The following MTCL3 variants were observed in gnomAD, a reference collection of about 807,000 sequenced individuals.
The protein encoded by MTCL3 is MTCL family member 3, also known as microtubule cross-linking factor 3.
At chr6:127,488,569 G>C in the MTCL3 span, among the ~76,000 whole-genome samples, 1 of 152,066 alleles carries the variant, frequency 6.6e-6, no homozygotes, top group Non-Finnish European at 1.5e-5. Flanking sequence ...ATTTGTTTTG[G>C]AAGCGTTACT....
chr6:127,500,001 CA>C, the MTCL3 span, among the ~76,000 whole-genome samples: 1 of 152,134 alleles, frequency 6.6e-6, no homozygotes, highest in African/African-American at 2.4e-5. Context: ...GCTATGTCTT[CA>C]TTTCTCGGGG....
At chr6:127,482,849 T>C in the MTCL3 span, 1 of 1,204,416 alleles carries the variant, frequency 8.3e-7, no homozygotes, top group Non-Finnish European at 1.2e-6. This position sits in a 1 kb window ranked among gnomAD's most constrained non-coding sequence, Gnocchi z 4.1. Context: ...TTTATAAATG[T>C]AGTTTGTGAT....
chr6:127,502,566 C>T, the MTCL3 span, among the ~76,000 whole-genome samples: 1 of 152,106 alleles, frequency 6.6e-6, no homozygotes, highest in Non-Finnish European at 1.5e-5. Context: ...GAGTAATAGA[C>T]ATTCATGAAA....
At chr6:127,514,807 C>A in the MTCL3 span, 1 of 1,601,292 alleles carries the variant, frequency 6.2e-7, no homozygotes, top group South Asian at 1.1e-5. Context: ...CGCCATTGAG[C>A]CCCCGCGCCG....
the MTCL3 span, chr6:127,515,060 C>T: frequency 6.2e-7 from 1 of 1,611,642 alleles, no homozygotes; most frequent in Non-Finnish European, 8.5e-7. The surrounding 1 kb of genome is among the most constrained non-coding windows in gnomAD (Gnocchi z 4.3). Flanking sequence ...GAGGCGGTGA[C>T]AGGCCGCGTG....
chr6:127,497,042 T>C, the MTCL3 span, among the ~76,000 whole-genome samples: 1 of 152,292 alleles, frequency 6.6e-6, no homozygotes, highest in East Asian at 1.9e-4. Context: ...GAATTAACAA[T>C]AAATGGGCAT....
At chr6:127,478,043 AAGAAG>A in the MTCL3 span, among the ~76,000 whole-genome samples, 719 of 152,348 alleles carry the variant, frequency 4.7e-3, 5 homozygotes, top group African/African-American at 0.016. Context: ...GTTTAGAAGA[AAGAAG>A]AGAAGGACTA....
At chr6:127,518,206 A>T in the MTCL3 span, among the ~76,000 whole-genome samples, 2 of 152,246 alleles carry the variant, frequency 1.3e-5, no homozygotes, top group Admixed American at 1.3e-4. Context: ...CTAGTTTATC[A>T]TCATGGGTGG....
the MTCL3 span, among the ~76,000 whole-genome samples, chr6:127,506,435 A>ATAC: frequency 6.6e-6 from 1 of 152,216 alleles, no homozygotes; most frequent in African/African-American, 2.4e-5. Flanking sequence ...GCCTTGAGTG[A>ATAC]TACTAAACTC....
chr6:127,513,118 C>CT, the MTCL3 span: 1 of 1,382,524 alleles, frequency 7.2e-7, no homozygotes, highest in East Asian at 2.5e-5. Flanking sequence ...AATTGTATTC[C>CT]TATTGAAAGC....
At chr6:127,513,431 A>T in the MTCL3 span, among the ~76,000 whole-genome samples, 1 of 152,204 alleles carries the variant, frequency 6.6e-6, no homozygotes, top group African/African-American at 2.4e-5. Flanking sequence ...CATGTAGAGA[A>T]ATTTCACAAA....
the MTCL3 span, among the ~76,000 whole-genome samples, chr6:127,501,902 G>A: frequency 6.6e-6 from 1 of 152,094 alleles, no homozygotes; most frequent in African/African-American, 2.4e-5. Flanking sequence ...CAGGTCTAAG[G>A]TCTTCAACAT....
the MTCL3 span, among the ~76,000 whole-genome samples, chr6:127,494,653 A>G: frequency 6.6e-6 from 1 of 152,210 alleles, no homozygotes; most frequent in Admixed American, 6.5e-5. Context: ...GAAGTAGTTT[A>G]TGATACAATT....
chr6:127,498,625 ATG>A, the MTCL3 span, among the ~76,000 whole-genome samples: 1 of 152,182 alleles, frequency 6.6e-6, no homozygotes, highest in Non-Finnish European at 1.5e-5. Context: ...GAAAATTTGC[ATG>A]TGTGTGTTTA....
At chr6:127,492,035 T>C in the MTCL3 span, among the ~76,000 whole-genome samples, 1 of 152,144 alleles carries the variant, frequency 6.6e-6, no homozygotes, top group Non-Finnish European at 1.5e-5. Flanking sequence ...CTGCTCACTC[T>C]CTCTTGGAAA....
At chr6:127,476,986 G>A in the MTCL3 span, among the ~76,000 whole-genome samples, 2 of 152,206 alleles carry the variant, frequency 1.3e-5, no homozygotes, top group African/African-American at 2.4e-5. The surrounding 1 kb of genome is among the most constrained non-coding windows in gnomAD (Gnocchi z 4.4). Context: ...GTAACCGTTC[G>A]AAGGTTACAC....
chr6:127,507,061 G>C, the MTCL3 span, among the ~76,000 whole-genome samples: 1 of 151,752 alleles, frequency 6.6e-6, no homozygotes, highest in Non-Finnish European at 1.5e-5. Context: ...GCCTCAAAGA[G>C]TTCAGGGTTG....
the MTCL3 span, chr6:127,516,569 C>G: frequency 6.3e-7 from 1 of 1,597,846 alleles, no homozygotes; most frequent in Non-Finnish European, 8.5e-7. Flanking sequence ...GCGGGAGAAG[C>G]TGCTGCTGTG....
chr6:127,511,432 A>G, the MTCL3 span, among the ~76,000 whole-genome samples: 1 of 152,112 alleles, frequency 6.6e-6, no homozygotes, highest in Admixed American at 6.6e-5. Flanking sequence ...TTCATATTTG[A>G]TCTTTTAACT....
Sources: allele counts gnomAD v4.1 joint callset (sites outside exome capture counted in the v4.1 genomes callset), GRCh38; gene constraint gnomAD v4.1.1; non-coding constraint Gnocchi (gnomAD v3.1); transcripts MANE v1.5; gene names NCBI Gene and HGNC (gene_info 2026-07-23, HGNC 2026-07-21).